GALNT17: variants seen among roughly 807,000 people sequenced by gnomAD.
GALNT17 encodes the protein polypeptide N-acetylgalactosaminyltransferase 17, also known as UDP-GalNAc:polypeptide N-acetylgalactosaminyltransferase-like 3.
In GALNT17, 29 loss-of-function variants were observed where a neutral mutation model predicts 63.7. The ratio of observed to expected loss-of-function variants is 0.46; its 90% confidence interval spans 0.34 to 0.62. The LOEUF (loss-of-function observed/expected upper bound fraction) is 0.62, where lower values mean the gene tolerates loss of function less well. GALNT17 is among the 20% of genes least tolerant of loss of function. The pLI is 0.01. For missense variants in GALNT17, 603 were observed against 799.6 expected (o/e 0.75, Z 2.97); for synonymous variants, 305 against 318.3 (o/e 0.96, Z 0.45).
chr7:71,520,445 C>T (rs1788512389), intron 5 of GALNT17, among the ~76,000 whole-genome samples: 1 of 152,158 alleles, frequency 6.6e-6, no homozygotes, highest in African/African-American at 2.4e-5. Flanking sequence ...ATTGCTTGAA[C>T]CCAGGAGGCG....
chr7:71,495,452 G>A (rs11977703), intron 5 of GALNT17, among the ~76,000 whole-genome samples: 2,772 of 152,220 alleles, frequency 0.018, 38 homozygotes, highest in African/African-American at 0.031. Flanking sequence ...TCTGTCTATG[G>A]ATTAGTAACA....
intron 2 of GALNT17, among the ~76,000 whole-genome samples, chr7:71,361,993 G>C (rs1792411026): frequency 6.6e-6 from 1 of 152,090 alleles, no homozygotes; most frequent in South Asian, 2.1e-4. Context: ...GTCTCCCTCA[G>C]TTGCCCAGGC....
At chr7:71,406,976 AT>A (rs1372550668) in intron 3 of GALNT17, among the ~76,000 whole-genome samples, 1 of 152,248 alleles carries the variant, frequency 6.6e-6, no homozygotes, top group East Asian at 1.9e-4. Flanking sequence ...TGATGCAGAA[AT>A]GTCAAGTGTC....
chr7:71,656,113 T>C (rs1056180337), intron 6 of GALNT17, among the ~76,000 whole-genome samples: 2 of 152,196 alleles, frequency 1.3e-5, no homozygotes, highest in African/African-American at 4.8e-5. Flanking sequence ...GGTACTTACT[T>C]ATGTTCCAGG....
At chr7:71,522,159 C>T (rs947814731) in intron 5 of GALNT17, among the ~76,000 whole-genome samples, 1 of 152,038 alleles carries the variant, frequency 6.6e-6, no homozygotes, top group Admixed American at 6.6e-5. Context: ...GAAAACAGAC[C>T]GTGCTGGAAA....
At chr7:71,293,554 T>A (rs1376755509) in intron 1 of GALNT17, among the ~76,000 whole-genome samples, 1 of 152,202 alleles carries the variant, frequency 6.6e-6, no homozygotes. Context: ...GATTATTTCT[T>A]TTTTGCTGTT....
intron 1 of GALNT17, among the ~76,000 whole-genome samples, chr7:71,143,503 G>T (rs973444400): frequency 6.6e-6 from 1 of 152,112 alleles, no homozygotes; most frequent in Admixed American, 6.6e-5. Context: ...GCAAGGGAAT[G>T]GCATGAGCAG....
intron 6 of GALNT17, among the ~76,000 whole-genome samples, chr7:71,646,107 T>A (rs1790671556): frequency 6.6e-6 from 1 of 152,236 alleles, no homozygotes; most frequent in Non-Finnish European, 1.5e-5. Flanking sequence ...TCCAAGTTCC[T>A]AGGCTCTGAT....
intron 1 of GALNT17, among the ~76,000 whole-genome samples, chr7:71,277,655 G>A (rs1790706706): frequency 6.6e-6 from 1 of 152,174 alleles, no homozygotes; most frequent in Admixed American, 6.6e-5. Flanking sequence ...CTTTACAGAC[G>A]TGCCAAGAGA....
chr7:71,183,346 G>T (rs923413102), intron 1 of GALNT17, among the ~76,000 whole-genome samples: 1 of 152,112 alleles, frequency 6.6e-6, no homozygotes, highest in Non-Finnish European at 1.5e-5. Flanking sequence ...CACTGATCTT[G>T]GCCTGGTGTG....
chr7:71,167,821 T>C (rs1026115039), intron 1 of GALNT17, among the ~76,000 whole-genome samples: 1 of 152,078 alleles, frequency 6.6e-6, no homozygotes, highest in Non-Finnish European at 1.5e-5. Context: ...TCCAAGGAAG[T>C]TGGGATTACA....
intron 9 of GALNT17, among the ~76,000 whole-genome samples, chr7:71,703,827 G>A (rs371863817): frequency 3.3e-5 from 5 of 152,116 alleles, no homozygotes; most frequent in South Asian, 2.1e-4. Context: ...GTCAGAGACC[G>A]AAGGAAATGA....
chr7:71,426,475 G>T (rs1349283885), intron 5 of GALNT17, among the ~76,000 whole-genome samples: 1 of 152,158 alleles, frequency 6.6e-6, no homozygotes, highest in African/African-American at 2.4e-5. Flanking sequence ...ACAAAGAAAT[G>T]CCTGAGGCTG....
chr7:71,462,789 G>C (rs1197793283), intron 5 of GALNT17, among the ~76,000 whole-genome samples: 1 of 152,208 alleles, frequency 6.6e-6, no homozygotes, highest in Admixed American at 6.5e-5. Flanking sequence ...CTATCTCAGT[G>C]AGCAGAGAGA....
At chr7:71,289,126 A>G (rs1790930863) in intron 1 of GALNT17, among the ~76,000 whole-genome samples, 1 of 150,496 alleles carries the variant, frequency 6.6e-6, no homozygotes, top group Non-Finnish European at 1.5e-5. Flanking sequence ...CCCAAAACTT[A>G]TTTACAAATA....
In GALNT17 at chr7:71,346,338, A is replaced by G. The variant is rs149081536; in HGVS notation, c.422+10605A>G. Among the ~76,000 whole-genome samples, 1,473 of 152,260 alleles carry G rather than the reference A, an allele frequency of 9.7e-3. 4 individuals carry two copies. Among genetic ancestry groups the G allele is most frequent in the Non-Finnish European group, 0.014 (984 of 68,024 alleles). On this transcript the variant is annotated intron_variant, in intron 2 of 10. Transcript: ENST00000333538. ...TAGCTGTCCAATGAGTAATAATAAT[A>G]AGTAGCTGTATGCTTAGGAGTGTCC...
intron 1 of GALNT17, among the ~76,000 whole-genome samples, chr7:71,238,773 C>G (rs2116462335): frequency 6.6e-6 from 1 of 152,286 alleles, no homozygotes; most frequent in East Asian, 1.9e-4. Context: ...TTAATCCTCT[C>G]CCCTGGAATG....
intron 1 of GALNT17, among the ~76,000 whole-genome samples, chr7:71,169,793 T>C (rs1466001638): frequency 6.6e-6 from 1 of 152,134 alleles, no homozygotes; most frequent in East Asian, 1.9e-4. Flanking sequence ...TGGGCTCAAG[T>C]GATAAGCCCA....
At chr7:71,349,591 A>G (rs1190448795) in intron 2 of GALNT17, among the ~76,000 whole-genome samples, 2 of 152,224 alleles carry the variant, frequency 1.3e-5, no homozygotes, top group African/African-American at 2.4e-5. Context: ...GACGGAACCA[A>G]TGCTGTTTGG....
Sources: allele counts gnomAD v4.1 joint callset (sites outside exome capture counted in the v4.1 genomes callset), GRCh38; gene constraint gnomAD v4.1.1; transcripts MANE v1.5; gene names NCBI Gene and HGNC (gene_info 2026-07-23, HGNC 2026-07-21).